Variants in TANGO6 observed in about 807,000 individuals in gnomAD.
TANGO6 encodes the protein transport and golgi organization 6 homolog.
Under a neutral mutation model 114.2 loss-of-function variants are expected in TANGO6, and 90 were observed. The observed-to-expected ratio is 0.79, with a 90% CI of 0.66 to 0.94. The LOEUF (loss-of-function observed/expected upper bound fraction) is 0.94, where lower values mean the gene tolerates loss of function less well. Ranked by LOEUF, TANGO6 falls within the 40% of genes least tolerant of loss-of-function variation. The pLI, the probability that TANGO6 is intolerant of heterozygous loss-of-function variation, is 0.00. For synonymous variants in TANGO6, 477 were observed against 509.8 expected (o/e 0.94, Z 0.87); for missense variants, 1,274 against 1,315.3 (o/e 0.97, Z 0.49).
chr16:68,880,645 T>C lies in TANGO6; in HGVS notation c.1377+15T>C, dbSNP rs1304601632. The C allele has an allele frequency of 6.5e-7, 1 of 1,528,446 alleles. No homozygotes were observed. The highest frequency in any genetic ancestry group is 8.8e-7 in the Non-Finnish European group (1 of 1,141,290). 94.7% of individuals were successfully genotyped at this position (1,528,446 alleles called of 1,614,324 possible). A position where few individuals can be genotyped will look rare whatever the true frequency, so the allele number is the denominator to read the frequency against. ...ATGTGTTTAAGGTTGGTAATCTGAG[T>C]CACTAATGTTTTTATTTACTTCTTA... On this transcript the variant is annotated intron_variant, in intron 7 of 17. Coordinates refer to ENST00000261778, the MANE Select transcript of TANGO6 (RefSeq NM_024562.2).
At chr16:68,852,938 C>G (rs1961929178) in intron 1 of TANGO6, among the ~76,000 whole-genome samples, 1 of 152,192 alleles carries the variant, frequency 6.6e-6, no homozygotes, top group Non-Finnish European at 1.5e-5. Flanking sequence ...TGCTTGATCA[C>G]ATTTCTATCC....
chr16:68,893,776 G>GAAAAGA (rs1962665542), intron 7 of TANGO6, among the ~76,000 whole-genome samples: 2 of 143,744 alleles, frequency 1.4e-5, no homozygotes, highest in African/African-American at 5.2e-5. Context: ...AAAAAAAAAG[G>GAAAAGA]AAAAGAAAAA....
At chr16:69,073,695 G>A (rs1414834947) in intron 17 of TANGO6, among the ~76,000 whole-genome samples, 1 of 152,208 alleles carries the variant, frequency 6.6e-6, no homozygotes. Flanking sequence ...GGTGGCTCAC[G>A]CCTGTAATCC....
At chr16:68,860,545 A>G in intron 2 of TANGO6, 21 bp downstream of exon 2, 3 of 1,604,794 alleles carry the variant, frequency 1.9e-6, no homozygotes, top group Non-Finnish European at 1.7e-6. Flanking sequence ...ATTGAGAAAG[A>G]GAGAGGGAGA....
chr16:68,985,264 A>C (rs1393806400), intron 15 of TANGO6, among the ~76,000 whole-genome samples: 2 of 152,208 alleles, frequency 1.3e-5, no homozygotes, highest in African/African-American at 4.8e-5. Context: ...CTCTGGGAAC[A>C]TATTGTTTAA....
chr16:68,889,534 C>T (rs1962583116), intron 7 of TANGO6, among the ~76,000 whole-genome samples: 1 of 152,132 alleles, frequency 6.6e-6, no homozygotes, highest in South Asian at 2.1e-4. Flanking sequence ...AAAAGTTAGT[C>T]TCTTTCTAAC....
chr16:68,878,244 G>A lies in TANGO6; in HGVS notation c.1258G>A (p.Val420Met), dbSNP rs374572911. The A allele has an allele frequency of 4.3e-6, 7 of 1,611,780 alleles. No homozygotes were observed. Among genetic ancestry groups the A allele is most frequent in the African/African-American group, 1.3e-5 (1 of 74,878 alleles). Residue 420 changes from valine to methionine, a missense_variant, in exon 6 of 18, where the codon GTG becomes ATG. By Grantham distance (21) the Val-to-Met change is conservative. Transcript: ENST00000261778. ...GGCAGCAAAGTATTTGCTCCAGCCA[G>A]TGTTAGCTCCTCTTCATCGATGTTT... The part of the protein sequence containing the change: ...HLAAKYLLQP[V>M]LAPLHRCLNT...
chr16:68,946,113 C>G (rs1963411664), intron 14 of TANGO6, among the ~76,000 whole-genome samples: 1 of 151,816 alleles, frequency 6.6e-6, no homozygotes, highest in Non-Finnish European at 1.5e-5. Flanking sequence ...TGTGGATTGT[C>G]TTTTCTCTTA....
intron 14 of TANGO6, among the ~76,000 whole-genome samples, chr16:68,953,974 T>C (rs1963499420): frequency 6.6e-6 from 1 of 152,108 alleles, no homozygotes; most frequent in Non-Finnish European, 1.5e-5. Context: ...GCACAGTGGC[T>C]CATGCCTGTA....
chr16:68,926,215 C>T (rs1233932910), intron 12 of TANGO6, among the ~76,000 whole-genome samples: 3 of 152,038 alleles, frequency 2.0e-5, no homozygotes, highest in Non-Finnish European at 4.4e-5. Flanking sequence ...ATGTCTCGGC[C>T]GGGCACCGTG....
chr16:69,017,492 C>A (rs1241942897), intron 15 of TANGO6, among the ~76,000 whole-genome samples: 6 of 152,114 alleles, frequency 3.9e-5, no homozygotes, highest in South Asian at 2.1e-4. Context: ...TTCCAAACTT[C>A]CTTCATTTTT....
intron 15 of TANGO6, among the ~76,000 whole-genome samples, chr16:68,978,508 A>G (rs1454945408): frequency 6.6e-6 from 1 of 152,192 alleles, no homozygotes; most frequent in African/African-American, 2.4e-5. Context: ...GTTTCACATC[A>G]TCAACTTGTC....
intron 14 of TANGO6, among the ~76,000 whole-genome samples, chr16:68,943,780 G>A (rs1015767703): frequency 6.6e-6 from 1 of 152,064 alleles, no homozygotes; most frequent in Non-Finnish European, 1.5e-5. Flanking sequence ...TTTTATATGA[G>A]AATTTTATTT....
At chr16:69,062,533 C>T (rs961851993) in intron 17 of TANGO6, among the ~76,000 whole-genome samples, 1 of 151,814 alleles carries the variant, frequency 6.6e-6, no homozygotes, top group Non-Finnish European at 1.5e-5. Context: ...AGTGCAGTGG[C>T]GTGATCTCGG....
chr16:68,916,498 T>G (rs567315916), intron 11 of TANGO6, among the ~76,000 whole-genome samples: 1 of 148,190 alleles, frequency 6.7e-6, no homozygotes, highest in Non-Finnish European at 1.5e-5. Context: ...AAAAATTGTC[T>G]TCCATGAAAC....
intron 1 of TANGO6, among the ~76,000 whole-genome samples, chr16:68,848,219 A>G (rs1445513040): frequency 1.3e-5 from 2 of 151,848 alleles, no homozygotes; most frequent in Non-Finnish European, 2.9e-5. Flanking sequence ...TGATGCTTCT[A>G]CCTCAGCCTC....
At chr16:68,912,722 C>A (rs914076875) in intron 11 of TANGO6, among the ~76,000 whole-genome samples, 1 of 151,872 alleles carries the variant, frequency 6.6e-6, no homozygotes, top group Non-Finnish European at 1.5e-5. Context: ...GTACTGAACA[C>A]GTTTATCTGC....
chr16:68,886,294 A>G (rs113425384), intron 7 of TANGO6, among the ~76,000 whole-genome samples: 294 of 151,540 alleles, frequency 1.9e-3, no homozygotes, highest in Non-Finnish European at 3.2e-3. Context: ...AGCTCGCTGC[A>G]ACAACCTCTG....
chr16:68,942,344 G>C (rs951250847), intron 14 of TANGO6, among the ~76,000 whole-genome samples: 3 of 151,982 alleles, frequency 2.0e-5, no homozygotes, highest in African/African-American at 7.2e-5. Flanking sequence ...AAGTTACATG[G>C]ATGTTAAAAC....
Sources: gnomAD v4.1 joint callset for allele counts (sites outside exome capture counted in the v4.1 genomes callset) on GRCh38, gnomAD v4.1.1 for gene constraint, MANE v1.5 for transcripts, NCBI Gene and HGNC (gene_info 2026-07-23, HGNC 2026-07-21) for gene names.